Variants in EIF4G3 observed in about 807,000 individuals in gnomAD.
The protein encoded by EIF4G3 is eIF-4-gamma 3.
Under a neutral mutation model 186.4 loss-of-function variants are expected in EIF4G3, and 34 were observed. The observed-to-expected ratio is 0.18, with a 90% confidence interval of 0.14 to 0.24. The LOEUF is 0.24. Ranked by LOEUF, EIF4G3 falls within the 10% of genes least tolerant of loss-of-function variation. The pLI, the probability that EIF4G3 is intolerant of heterozygous loss-of-function variation, is 1.00. For synonymous variants in EIF4G3, 673 were observed against 679.5 expected, an observed-to-expected ratio of 0.99 and a Z score of 0.15; for missense variants, 1,536 against 1,948.5, an observed-to-expected ratio of 0.79 and a Z score of 3.99.
chr1:21,060,561 T>G (rs2094837555), intron 3 of EIF4G3, among the ~76,000 whole-genome samples: 1 of 152,220 alleles, frequency 6.6e-6, no homozygotes, highest in African/African-American at 2.4e-5. Context: ...AAGATCATTT[T>G]GGTTGCTTTG....
chr1:20,942,347 A>T lies in EIF4G3; in HGVS notation c.824-17T>A, dbSNP rs1265701030. 9 of 1,533,810 alleles carry T rather than the reference A, an allele frequency of 5.9e-6. No homozygotes were observed. In the African/African-American group the frequency reaches 7.0e-5, roughly 12 times the overall value. On this transcript the variant is annotated splice_polypyrimidine_tract_variant and intron_variant, in intron 13 of 36. Transcript: ENST00000602326. ...GCTTCTCCTCTGGGGAAAAAAAAAT[A>T]AGTTTTAAGAATAATTCTTGGATCA... is the stretch of plus-strand genomic sequence containing the variant.
chr1:21,004,014 T>A (rs1405759423), intron 4 of EIF4G3: 1 of 162,374 alleles, frequency 6.2e-6, no homozygotes. Flanking sequence ...CTACTGTGAA[T>A]TCATCTAGTT....
At chr1:20,825,386 G>C (rs933180445) in intron 32 of EIF4G3, among the ~76,000 whole-genome samples, 188 bp from the exon 33 acceptor site, 1 of 138,370 alleles carries the variant, frequency 7.2e-6, no homozygotes, top group Non-Finnish European at 1.6e-5. Context: ...GCTGAGGTGG[G>C]AAGACAGCTT....
At chr1:20,814,762 TCCCC>T (rs1557737970) in intron 34 of EIF4G3, among the ~76,000 whole-genome samples, 12 of 15,232 alleles carry the variant, frequency 7.9e-4, no homozygotes, top group African/African-American at 1.8e-3. Context: ...CCCCTCCCCC[TCCCC>T]CTCCCCCTCC....
Position 20,829,224 on chromosome 1 carries a change from G to T in EIF4G3, c.4110C>A (p.Pro1370=). ...ELADDMAIDI[P]HIWLYLAELV... Reference sequence around the variant, plus strand: ...GTTCAGCAAGGTACAACCAAATATGGGGAATATCAATGGCCATGTCATCTG... The same window carrying T: ...GTTCAGCAAGGTACAACCAAATATGTGGAATATCAATGGCCATGTCATCTG... The change falls in exon 31 of 37, where the codon CCC becomes CCA. Residue 1370 remains proline, a synonymous_variant. Transcript: ENST00000602326. The T allele has an allele frequency of 6.2e-7, 1 of 1,613,718 alleles. No individual in the cohort carries two copies. Among genetic ancestry groups the T allele is most frequent in the Non-Finnish European group, 8.5e-7 (1 of 1,179,868 alleles).
At chr1:21,065,684 G>A (rs1375215653) in intron 3 of EIF4G3, among the ~76,000 whole-genome samples, 1 of 152,096 alleles carries the variant, frequency 6.6e-6, no homozygotes, top group Non-Finnish European at 1.5e-5. Flanking sequence ...CTTAAGTTTA[G>A]TTTCCTCTTC....
intron 14 of EIF4G3, among the ~76,000 whole-genome samples, chr1:20,918,139 A>G (rs1332973151): frequency 1.3e-5 from 2 of 152,096 alleles, no homozygotes; most frequent in Non-Finnish European, 2.9e-5. Context: ...ACCTTGCCTC[A>G]GCACTCTGTG....
rs1465481319 is a variant in EIF4G3 at position 20,899,720 on chromosome 1, C to T, written c.1976G>A (p.Gly659Glu). The T allele has an allele frequency of 1.9e-6, 3 of 1,614,118 alleles. No individual in the cohort carries two copies. Among genetic ancestry groups the T allele is most frequent in the Non-Finnish European group, 2.5e-6 (3 of 1,180,010 alleles). The change falls in exon 16 of 37, where the codon GGG becomes GAG. Residue 659 changes from glycine (G) to glutamate (E), a missense_variant. Physicochemically the swap from Gly to Glu is moderately conservative, Grantham distance 98. Transcript: ENST00000602326. The part of the protein sequence containing the change: ...NSGSTDSSGD[G>E]VTFPFKPESW... ...ACCTGGTTTAAATGGAAATGTAACC[C>T]CATCACCAGAACTATCTGTGGAGCC...
At chr1:20,935,389 C>T (rs1329851053) in intron 14 of EIF4G3, among the ~76,000 whole-genome samples, 2 of 151,876 alleles carry the variant, frequency 1.3e-5, no homozygotes, top group African/African-American at 4.8e-5. Context: ...ACTAAATTAC[C>T]AAGTATTTTA....
chr1:21,024,096 G>A (rs1425111688), intron 4 of EIF4G3, among the ~76,000 whole-genome samples: 2 of 150,908 alleles, frequency 1.3e-5, no homozygotes, highest in Non-Finnish European at 3.0e-5. Flanking sequence ...GAGCCTCTCC[G>A]CCCAGCAGCC....
At chr1:21,061,174 C>T (rs947868697) in intron 3 of EIF4G3, among the ~76,000 whole-genome samples, 1 of 151,830 alleles carries the variant, frequency 6.6e-6, no homozygotes, top group African/African-American at 2.4e-5. Flanking sequence ...ATCCAAAATG[C>T]TTGGTACCAG....
intron 4 of EIF4G3, among the ~76,000 whole-genome samples, chr1:21,012,702 A>G (rs1403062209): frequency 6.6e-6 from 1 of 152,220 alleles, no homozygotes; most frequent in East Asian, 1.9e-4. Flanking sequence ...AGGGAGGAAG[A>G]TGGCGGATAG....
At chr1:21,041,312 T>C (rs1320390153) in intron 4 of EIF4G3, among the ~76,000 whole-genome samples, 1 of 152,188 alleles carries the variant, frequency 6.6e-6, no homozygotes, top group Non-Finnish European at 1.5e-5. Context: ...CATCTCGAAC[T>C]CTTGGGCTCA....
chr1:20,891,991 AG>A (rs764728544), intron 18 of EIF4G3, among the ~76,000 whole-genome samples: 1 of 152,284 alleles, frequency 6.6e-6, no homozygotes, highest in East Asian at 1.9e-4. Context: ...CTTCAAATTC[AG>A]GTGGTTTTCG....
At chr1:20,854,933 G>C (rs772698610) in intron 26 of EIF4G3, 45 bp downstream of exon 26, 5 of 1,532,372 alleles carry the variant, frequency 3.3e-6, no homozygotes, top group Non-Finnish European at 4.5e-6. Context: ...TAAGGCAAAT[G>C]CTAACAAGCC....
At chr1:21,016,388 TA>T (rs2089061148) in intron 4 of EIF4G3, among the ~76,000 whole-genome samples, 1 of 152,088 alleles carries the variant, frequency 6.6e-6, no homozygotes, top group Non-Finnish European at 1.5e-5. Context: ...GGCAGACTCT[TA>T]AAAAAGATAC....
At chr1:21,138,998 C>T (rs1347236231) in intron 2 of EIF4G3, among the ~76,000 whole-genome samples, 1 of 152,042 alleles carries the variant, frequency 6.6e-6, no homozygotes, top group Non-Finnish European at 1.5e-5. Flanking sequence ...AATCCTCCTG[C>T]CTTGGCCTCC....
At chr1:20,976,123 C>T (rs1035531873) in intron 10 of EIF4G3, among the ~76,000 whole-genome samples, 7 of 150,738 alleles carry the variant, frequency 4.6e-5, no homozygotes, top group African/African-American at 1.7e-4. Flanking sequence ...CAAACACACA[C>T]ACAGAGGTTT....
intron 18 of EIF4G3, 67 bp downstream of exon 18, chr1:20,893,450 T>C: frequency 6.8e-7 from 1 of 1,468,822 alleles, no homozygotes; most frequent in Non-Finnish European, 9.2e-7. Flanking sequence ...TGTCTTGCCA[T>C]GAGGTAGGAT....
Sources: gnomAD v4.1 joint callset for allele counts (sites outside exome capture counted in the v4.1 genomes callset) on GRCh38, gnomAD v4.1.1 for gene constraint, MANE v1.5 for transcripts, NCBI Gene and HGNC (gene_info 2026-07-23, HGNC 2026-07-21) for gene names.